CCDC3: variants seen among roughly 807,000 people sequenced by gnomAD.
CCDC3 encodes the protein coiled-coil domain-containing protein 3.
A neutral mutation model predicts 21.4 loss-of-function variants in CCDC3; 24 were observed. That is an observed-to-expected ratio of 1.12 (90% CI 0.81 to 1.58). The LOEUF (loss-of-function observed/expected upper bound fraction) is 1.58. Ranked by LOEUF, CCDC3 falls within the 40% of genes most tolerant of loss-of-function variation. CCDC3 has a pLI of 0.00. For synonymous variants in CCDC3, 186 were observed against 166.0 expected, an observed-to-expected ratio of 1.12 and a Z score of -0.93; for missense variants, 425 against 360.9, an observed-to-expected ratio of 1.18 and a Z score of -1.44.
intron 5 of CCDC3, among the ~76,000 whole-genome samples, chr10:13,030,928 C>A (rs1406562737): frequency 1.3e-5 from 2 of 152,156 alleles, no homozygotes; most frequent in African/African-American, 4.8e-5. Context: ...CAACATTAGA[C>A]AGATCAACAA....
intron 4 of CCDC3, among the ~76,000 whole-genome samples, chr10:13,064,706 A>G (rs1836803636): frequency 6.6e-6 from 1 of 152,150 alleles, no homozygotes; most frequent in South Asian, 2.1e-4. Flanking sequence ...GAATGGCGTG[A>G]ACCTGGAAGG....
intron 2 of CCDC3, among the ~76,000 whole-genome samples, chr10:12,980,928 T>C (rs1018750033): frequency 6.6e-6 from 1 of 152,210 alleles, no homozygotes; most frequent in African/African-American, 2.4e-5. Flanking sequence ...TCTAGTACTC[T>C]GGCACATTGC....
intron 2 of CCDC3, among the ~76,000 whole-genome samples, chr10:12,920,139 C>T (rs1834425248): frequency 6.6e-6 from 1 of 152,140 alleles, no homozygotes; most frequent in African/African-American, 2.4e-5. Flanking sequence ...CTCTCAGTTC[C>T]ATGTGGCTGG....
chr10:13,016,147 T>A (rs1373818984), intron 5 of CCDC3, among the ~76,000 whole-genome samples: 3 of 151,892 alleles, frequency 2.0e-5, no homozygotes, highest in African/African-American at 7.3e-5. Context: ...TCTGCTACTG[T>A]TTACCTATGG....
chr10:13,028,507 T>A (rs1836254755), intron 5 of CCDC3, among the ~76,000 whole-genome samples: 1 of 151,878 alleles, frequency 6.6e-6, no homozygotes, highest in Non-Finnish European at 1.5e-5. Flanking sequence ...GAACAACTCA[T>A]TGGGATTTTG....
At chr10:13,013,322 T>C (rs11258125) in intron 5 of CCDC3, among the ~76,000 whole-genome samples, 22,645 of 152,212 alleles carry the variant, frequency 0.15, 1,961 homozygotes, top group Admixed American at 0.23. Flanking sequence ...GCCACAAACA[T>C]TTTGTGCCAA....
chr10:12,900,707 A>C (rs866605429), intron 2 of CCDC3, among the ~76,000 whole-genome samples: 12 of 148,638 alleles, frequency 8.1e-5, no homozygotes, highest in Middle Eastern at 6.8e-3. Context: ...AAAAAAAAAA[A>C]AACAAACTCC....
chr10:13,054,865 C>A (rs532670369), intron 4 of CCDC3, among the ~76,000 whole-genome samples: 11 of 152,298 alleles, frequency 7.2e-5, no homozygotes, highest in African/African-American at 2.4e-4. Context: ...TGCGGTTTCA[C>A]CATGTTGGCC....
intron 3 of CCDC3, among the ~76,000 whole-genome samples, chr10:13,076,082 C>T (rs149206812): frequency 6.6e-6 from 1 of 151,624 alleles, no homozygotes; most frequent in African/African-American, 2.4e-5. Context: ...AACAAAAAAA[C>T]CTAAAATAAT....
Position 12,932,010 on chromosome 10 carries a change from AAC to A in CCDC3, c.550-33333_550-33332del, listed in dbSNP as rs372105381. 2.1e-3 allele frequency among the ~76,000 whole-genome samples: 322 copies of A among 152,338 alleles called. 1 individual carries two copies. Among genetic ancestry groups the A allele is most frequent in the African/African-American group, 7.4e-3 (308 of 41,578 alleles). On this transcript the variant is annotated intron_variant, in intron 2 of 2. Coordinates refer to ENST00000378825, the MANE Select transcript of CCDC3 (RefSeq NM_031455.4). ...GTACCTCCTGTTCCCACATATGTGC[AAC>A]CTCCCCTCCTATGGATGTCCTGACA...
Position 12,908,613 on chromosome 10 carries a change from T to TTTC in CCDC3, c.550-9935_550-9934insGAA, listed in dbSNP as rs1180620299. 1.4e-4 allele frequency among the ~76,000 whole-genome samples: 6 copies of TTTC among 41,416 alleles called. No homozygotes were observed. The East Asian group carries it at 3.2e-3, about 22-fold the overall frequency. 27.2% of individuals were successfully genotyped at this position (41,416 alleles called of 152,430 possible). A position where few individuals can be genotyped will look rare whatever the true frequency, so the allele number is the denominator to read the frequency against. On this transcript the variant is annotated intron_variant, in intron 2 of 2. Coordinates refer to ENST00000378825, the MANE Select transcript of CCDC3 (RefSeq NM_031455.4). ...TCTTGGCTAAGAACTGTGATTTTTC[T>TTTC]TTTTTTTTTTTTTTGAGACAGAGTT...
intron 3 of CCDC3, among the ~76,000 whole-genome samples, chr10:13,079,358 T>C (rs182828181): frequency 7.4e-4 from 112 of 152,300 alleles, no homozygotes; most frequent in Middle Eastern, 3.4e-3. Context: ...GGAAACTGGC[T>C]GTGACCTGGA....
intron 2 of CCDC3, among the ~76,000 whole-genome samples, chr10:12,920,863 C>G (rs1258628382): frequency 6.6e-6 from 1 of 152,210 alleles, no homozygotes; most frequent in African/African-American, 2.4e-5. Flanking sequence ...CGCTCCCATG[C>G]TCATAACCTC....
intron 4 of CCDC3, among the ~76,000 whole-genome samples, chr10:13,052,410 A>G (rs1836619278): frequency 6.6e-6 from 1 of 152,212 alleles, no homozygotes; most frequent in Admixed American, 6.5e-5. Flanking sequence ...TTGATTGCTT[A>G]CCTGATTTGA....
intron 5 of CCDC3, among the ~76,000 whole-genome samples, chr10:13,040,524 CT>C (rs1836439288): frequency 6.6e-6 from 1 of 152,160 alleles, no homozygotes; most frequent in Non-Finnish European, 1.5e-5. Flanking sequence ...AACCCCATCT[CT>C]ACCAAAAACA....
chr10:12,986,256 C>A (rs1372268066), intron 2 of CCDC3, among the ~76,000 whole-genome samples: 7 of 152,158 alleles, frequency 4.6e-5, no homozygotes, highest in Non-Finnish European at 1.5e-5. Context: ...GAGTTTTACA[C>A]ATGTACACAA....
intron 5 of CCDC3, among the ~76,000 whole-genome samples, chr10:13,046,589 C>G (rs1163258517): frequency 6.6e-6 from 1 of 151,768 alleles, no homozygotes; most frequent in East Asian, 1.9e-4. Flanking sequence ...TGCCTGTAAT[C>G]CCAGCTACTC....
intron 5 of CCDC3, among the ~76,000 whole-genome samples, chr10:13,032,064 CT>C (rs1836311704): frequency 1.3e-5 from 2 of 152,280 alleles, no homozygotes; most frequent in Admixed American, 6.5e-5. Flanking sequence ...ACCAATACCC[CT>C]GATGAACATT....
chr10:13,058,108 A>T, intron 4 of CCDC3: 1 of 805,700 alleles, frequency 1.2e-6, no homozygotes, highest in Non-Finnish European at 2.2e-6. Flanking sequence ...CTTCTGCAAT[A>T]AATTCCTTGT....
Sources: gnomAD v4.1 joint callset for allele counts (sites outside exome capture counted in the v4.1 genomes callset) on GRCh38, gnomAD v4.1.1 for gene constraint, MANE v1.5 for transcripts, NCBI Gene and HGNC (gene_info 2026-07-23, HGNC 2026-07-21) for gene names.